The following THAP5 variants were observed in gnomAD, a reference collection of about 807,000 sequenced individuals.
The protein encoded by THAP5 is THAP domain containing 5, also known as THAP domain-containing protein 5.
Under a neutral mutation model 34.0 loss-of-function variants are expected in THAP5, and 26 were observed. That is an observed-to-expected ratio of 0.77 (90% CI 0.56 to 1.06). The LOEUF (loss-of-function observed/expected upper bound fraction) is 1.06. Ranked by LOEUF, THAP5 falls within the 50% of genes least tolerant of loss-of-function variation. The pLI is 0.00. For missense variants in THAP5, 394 were observed against 452.8 expected (o/e 0.87, Z 1.18); for synonymous variants, 125 against 153.0 (o/e 0.82, Z 1.35).
At chr7:108,544,190 G>C in the THAP5 span, among the ~76,000 whole-genome samples, 1 of 152,124 alleles carries the variant, frequency 6.6e-6, no homozygotes, top group Non-Finnish European at 1.5e-5. Flanking sequence ...AGGAAGAAAA[G>C]GAGACAATTC....
downstream of THAP5, among the ~76,000 whole-genome samples, chr7:108,558,547 GCCA>G (rs1864404215): frequency 6.6e-6 from 1 of 150,616 alleles, no homozygotes; most frequent in East Asian, 2.0e-4. Context: ...ACAGGCACGC[GCCA>G]CCACACCTGG....
the THAP5 span, among the ~76,000 whole-genome samples, chr7:108,541,872 C>A: frequency 5.6e-4 from 86 of 152,266 alleles, no homozygotes; most frequent in African/African-American, 2.0e-3. Flanking sequence ...TGAAATTGAG[C>A]CAGCCCATTA....
intron 1 of THAP5, chr7:108,569,179 T>C (rs2227272): frequency 0.22 from 279,736 of 1,248,346 alleles, 34,927 homozygotes; most frequent in East Asian, 0.53. Context: ...GTTAATGTTG[T>C]TCAATGAAAT....
chr7:108,560,180 C>T (rs1426076404), downstream of THAP5, among the ~76,000 whole-genome samples: 2 of 152,186 alleles, frequency 1.3e-5, no homozygotes, highest in African/African-American at 4.8e-5. Flanking sequence ...TAGGCCACTT[C>T]TTTAGTTACA....
downstream of THAP5, among the ~76,000 whole-genome samples, chr7:108,557,223 G>T (rs7459229): frequency 5.0e-3 from 756 of 152,336 alleles, 18 homozygotes; most frequent in East Asian, 0.038. Context: ...TTTCCCCATT[G>T]TCTTGGCTAT....
chr7:108,564,378 A>G lies in THAP5; in HGVS notation c.1001T>C (p.Leu334Pro), dbSNP rs1279956352. The stretch of plus-strand genomic sequence containing the variant: ...ATGTAGCTTAGAGACTTTCTGCCAA[A>G]GATGTTCCTTATTTATATCTTGTCT... ...YCRQDINKEHLWQKVSKLHSK... is the reference protein window; with the variant it reads ...YCRQDINKEHPWQKVSKLHSK... Residue 334 changes from leucine to proline, a missense_variant, in exon 3 of 3, where the codon CTT becomes CCT. Physicochemically the swap from Leu to Pro is moderately conservative, Grantham distance 98. Coordinates refer to ENST00000415914, the MANE Select transcript of THAP5 (RefSeq NM_001130475.3). The G allele has an allele frequency of 2.5e-6, 4 of 1,613,808 alleles. No individual in the cohort carries two copies. Among genetic ancestry groups the G allele is most frequent in the Admixed American group, 1.7e-5 (1 of 59,980 alleles).
the THAP5 span, among the ~76,000 whole-genome samples, chr7:108,547,900 T>G: frequency 2.0e-5 from 3 of 152,216 alleles, no homozygotes; most frequent in Non-Finnish European, 4.4e-5. Flanking sequence ...AGCAGTGGTG[T>G]TTAAATTTTG....
downstream of THAP5, among the ~76,000 whole-genome samples, chr7:108,557,634 C>G (rs1373583408): frequency 1.3e-5 from 2 of 152,232 alleles, no homozygotes; most frequent in Admixed American, 1.3e-4. Context: ...CTGGACTTCA[C>G]TGTCCATATC....
intron 1 of THAP5, chr7:108,569,195 C>G: frequency 7.7e-7 from 1 of 1,302,952 alleles, no homozygotes; most frequent in South Asian, 2.0e-5. Flanking sequence ...GAAATGAGAT[C>G]ACGTGAAGTG....
Position 108,565,069 on chromosome 7 carries a change from TTTTC to T in THAP5, c.306_309del (p.Lys103ThrfsTer20). On this transcript the variant is annotated frameshift_variant, in exon 3 of 3. Transcript: ENST00000415914. LOFTEE classifies it high-confidence loss of function. The stretch of plus-strand genomic sequence containing the variant: ...CATACTTCTTTCTCATCTTCCAAGT[TTTTC>T]TTCTGGGATTTTTTTTTAGAAGGGT... 4 of 1,520,882 alleles carry T rather than the reference TTTTC, an allele frequency of 2.6e-6. No homozygotes were observed. The highest frequency in any genetic ancestry group is 3.5e-6 in the Non-Finnish European group (4 of 1,135,992). The allele number at this position is 1,520,882 out of a possible 1,614,324, so 94.2% of individuals were successfully genotyped here. A position where few individuals can be genotyped will look rare whatever the true frequency, so the allele number is the denominator to read the frequency against.
rs983055773 is a variant in THAP5 at position 108,565,665 on chromosome 7, A to AT, written c.273+164dup. The AT allele has an allele frequency of 4.7e-5, 24 of 506,888 alleles. 1 individual carries two copies. The highest frequency in any genetic ancestry group is 2.3e-4 in the Admixed American group (6 of 26,174). The allele number at this position is 506,888 out of a possible 1,614,324, so 31.4% of individuals were successfully genotyped here. On this transcript the variant is annotated intron_variant, in intron 2 of 2. Transcript: ENST00000415914. ...TCTTAAGCTGTGCTTCATGAGTTTA[A>AT]TTTTTTTTAATTATCACTTTTAGTA...
At chr7:108,551,622 T>A (rs1379080371), downstream of THAP5, among the ~76,000 whole-genome samples, 2 of 152,238 alleles carry the variant, frequency 1.3e-5, no homozygotes, top group Non-Finnish European at 2.9e-5. Flanking sequence ...CTGTTGACTA[T>A]CAGTGGACAG....
chr7:108,559,626 A>C (rs1418116603), downstream of THAP5, among the ~76,000 whole-genome samples: 1 of 152,234 alleles, frequency 6.6e-6, no homozygotes, highest in Non-Finnish European at 1.5e-5. Flanking sequence ...ATAAACAAAT[A>C]CCTGAGACTG....
At chr7:108,555,120 T>C (rs2154517869) in intron 1 of THAP5, among the ~76,000 whole-genome samples, 1 of 152,296 alleles carries the variant, frequency 6.6e-6, no homozygotes, top group East Asian at 1.9e-4. Context: ...AATATGCTAA[T>C]TAGTGACCAT....
chr7:108,552,201 G>A (rs1457305026), downstream of THAP5, among the ~76,000 whole-genome samples: 1 of 152,124 alleles, frequency 6.6e-6, no homozygotes, highest in Non-Finnish European at 1.5e-5. Context: ...CAGGTAAGGA[G>A]CGAAACAGCT....
At chr7:108,552,451 ATGT>A (rs1410601184), downstream of THAP5, among the ~76,000 whole-genome samples, 5 of 152,096 alleles carry the variant, frequency 3.3e-5, no homozygotes, top group Non-Finnish European at 7.4e-5. Flanking sequence ...AGCTTCCAAA[ATGT>A]TGTTGTGTTT....
chr7:108,569,388 T>A, intron 1 of THAP5, 102 bp downstream of exon 1: 2 of 1,537,982 alleles, frequency 1.3e-6, no homozygotes, highest in Non-Finnish European at 1.8e-6. Flanking sequence ...TACGGAGAGC[T>A]GAGGACTCAC....
rs1027733722 is a variant in THAP5 at position 108,562,903 on chromosome 7, T to C, written c.*1288A>G. ...TTATGTATAATTTCTTGCTTATAAA[T>C]TTTAATAAAATATACGTAAGTGGGA... On this transcript the variant is annotated 3_prime_UTR_variant, in exon 3 of 3. Coordinates refer to ENST00000415914, the MANE Select transcript of THAP5 (RefSeq NM_001130475.3). 1.3e-5 allele frequency: 2 copies of C among 152,212 alleles called. No individual in the cohort carries two copies. The highest frequency in any genetic ancestry group is 2.9e-5 in the Non-Finnish European group (2 of 68,042). The allele number at this position is 152,212 out of a possible 1,614,324, so 9.4% of individuals were successfully genotyped here. A position where few individuals can be genotyped will look rare whatever the true frequency, so the allele number is the denominator to read the frequency against.
downstream of THAP5, among the ~76,000 whole-genome samples, chr7:108,554,154 C>T (rs558535152): frequency 6.6e-6 from 1 of 152,094 alleles, no homozygotes; most frequent in South Asian, 2.1e-4. Context: ...ACTTTCTAGC[C>T]TCTAGAACTG....
Sources: gnomAD v4.1 joint callset for allele counts (sites outside exome capture counted in the v4.1 genomes callset) on GRCh38, gnomAD v4.1.1 for gene constraint, MANE v1.5 for transcripts, NCBI Gene and HGNC (gene_info 2026-07-23, HGNC 2026-07-21) for gene names.